Variants in NRK observed in about 807,000 individuals in gnomAD.
NRK encodes nik-related protein kinase.
NRK carries 67 observed loss-of-function variants against 125.2 expected under a neutral mutation model. The observed-to-expected ratio is 0.54, with a 90% CI of 0.44 to 0.66. The LOEUF (loss-of-function observed/expected upper bound fraction) is 0.66, where lower values mean the gene tolerates loss of function less well. Among genes scored for constraint, NRK ranks in the 30% least tolerant of loss-of-function variants. NRK has a pLI of 0.00. For synonymous variants in NRK, 458 were observed against 429.0 expected (o/e 1.07, Z -0.84); for missense variants, 1,224 against 1,192.9 (o/e 1.03, Z -0.38).
intron 2 of NRK, among the ~76,000 whole-genome samples, chrX:105,863,434 G>A (rs1406463470): frequency 9.1e-6 from 1 of 110,391 alleles, no homozygotes; most frequent in Non-Finnish European, 1.9e-5. Context: ...AATCCTTGCC[G>A]ATGTTTAGTT....
Position 105,908,764 on chromosome X carries a change from A to G in NRK, c.1123A>G (p.Thr375Ala), listed in dbSNP as rs1233173350. 1 of 1,204,547 alleles carries G rather than the reference A, an allele frequency of 8.3e-7. No homozygotes were observed. The highest frequency in any genetic ancestry group is 1.1e-6 in the Non-Finnish European group (1 of 890,889). The change falls in exon 13 of 29, where the codon ACC becomes GCC. Residue 375 changes from threonine (T) to alanine (A), a missense_variant. Physicochemically the swap from Thr to Ala is moderately conservative, Grantham distance 58. Coordinates refer to ENST00000243300, the MANE Select transcript of NRK (RefSeq NM_198465.4). Reference protein sequence around the residue: ...SCTHELLRLPTSSRCRPLRVL... With the variant: ...SCTHELLRLPASSRCRPLRVL... The stretch of plus-strand genomic sequence containing the variant: ...CACTCACGAGCTTCTGAGATTGCCA[A>G]CCAGCAGCAGATGCAGACCACTTAG...
intron 9 of NRK, among the ~76,000 whole-genome samples, chrX:105,901,219 C>T (rs915119535): frequency 1.7e-4 from 19 of 110,151 alleles, no homozygotes; most frequent in African/African-American, 5.6e-4. Context: ...GCTACCTCAG[C>T]GCCCATTTCA....
At chrX:105,860,192 G>C (rs1314848617) in intron 2 of NRK, among the ~76,000 whole-genome samples, 1 of 111,399 alleles carries the variant, frequency 9.0e-6, no homozygotes, top group African/African-American at 3.3e-5. Context: ...GTTAGCTAAT[G>C]ATAAACAGCT....
At chrX:105,859,641 G>A (rs987751687) in intron 2 of NRK, among the ~76,000 whole-genome samples, 2 of 112,357 alleles carry the variant, frequency 1.8e-5, no homozygotes, top group African/African-American at 6.5e-5. Flanking sequence ...TCAACAGAGT[G>A]TGTGGAAGCC....
intron 2 of NRK, among the ~76,000 whole-genome samples, chrX:105,845,214 TA>T (rs1383680137): frequency 8.9e-6 from 1 of 112,089 alleles, no homozygotes; most frequent in African/African-American, 3.2e-5. Context: ...TTTTTCGTTC[TA>T]AAAAAAGCTA....
intron 2 of NRK, among the ~76,000 whole-genome samples, chrX:105,846,344 T>C (rs1053995687): frequency 1.8e-5 from 2 of 111,631 alleles, no homozygotes; most frequent in Admixed American, 9.6e-5. Context: ...TAAGGAAGGA[T>C]ATGTAGGACA....
chrX:105,822,278 G>A (rs2039029747), upstream of NRK, among the ~76,000 whole-genome samples: 1 of 109,921 alleles, frequency 9.1e-6, no homozygotes, highest in South Asian at 4.0e-4. Flanking sequence ...CGCCAGCGGG[G>A]GCGGGGGCAG....
At chrX:105,855,673 T>C (rs751327347) in intron 2 of NRK, among the ~76,000 whole-genome samples, 6 of 111,917 alleles carry the variant, frequency 5.4e-5, no homozygotes, top group Non-Finnish European at 9.4e-5. Context: ...ACAGTAATAT[T>C]TTAAATTTTG....
intron 27 of NRK, among the ~76,000 whole-genome samples, chrX:105,952,192 CCTAGA>C (rs1309038169): frequency 1.8e-5 from 2 of 111,746 alleles, no homozygotes; most frequent in Non-Finnish European, 3.8e-5. Context: ...TTTGTTGTTT[CCTAGA>C]CTATTTTAAT....
chrX:105,950,572 GTGTGT>G (rs2040880673), intron 27 of NRK, among the ~76,000 whole-genome samples: 2 of 99,665 alleles, frequency 2.0e-5, no homozygotes, highest in Non-Finnish European at 4.0e-5. Flanking sequence ...GTGTGTGTGT[GTGTGT>G]GGAGAGAGAG....
Position 105,917,578 on chromosome X carries a change from C to T in NRK, c.2418C>T (p.Ser806=), listed in dbSNP as rs774915551. The part of the protein sequence containing the change: ...DHAHHVKFSS[S]VPQRSLLEQA... ...ACATGCTTTTCTGTCTTTTCATTAGCGTTCCTCAGCGGTCTCTTTTGGAAC... is the reference window on the plus strand; with the variant it reads ...ACATGCTTTTCTGTCTTTTCATTAGTGTTCCTCAGCGGTCTCTTTTGGAAC... The change falls in exon 16 of 29, where the codon AGC becomes AGT. Residue 806 remains serine, a splice_region_variant and synonymous_variant. Transcript: ENST00000243300. 6.2e-6 allele frequency: 7 copies of T among 1,127,699 alleles called. No individual in the cohort carries two copies. In the Admixed American group the frequency reaches 8.1e-5, roughly 13 times the overall value. 92.9% of individuals were successfully genotyped at this position (1,127,699 alleles called of 1,213,427 possible).
intron 2 of NRK, among the ~76,000 whole-genome samples, chrX:105,869,520 C>T (rs1344702916): frequency 9.0e-6 from 1 of 111,184 alleles, no homozygotes; most frequent in African/African-American, 3.3e-5. Context: ...TAGTAGCCAT[C>T]CCAGTCAACT....
chrX:105,908,393 T>G (rs1251186427), intron 12 of NRK, 90 bp downstream of exon 12: 22 of 483,399 alleles, frequency 4.6e-5, no homozygotes, highest in Non-Finnish European at 3.3e-6. Flanking sequence ...TCAGAAAGAC[T>G]TAATTCTTTC....
chrX:105,822,102 A>C (rs1450329784), upstream of NRK, among the ~76,000 whole-genome samples: 1 of 112,656 alleles, frequency 8.9e-6, no homozygotes, highest in Non-Finnish European at 1.9e-5. Flanking sequence ...GAGGGACAGA[A>C]AGAGAAAACA....
intron 2 of NRK, among the ~76,000 whole-genome samples, chrX:105,854,526 A>G (rs1337095057): frequency 8.9e-6 from 1 of 111,903 alleles, no homozygotes; most frequent in Non-Finnish European, 1.9e-5. Context: ...ATTAAACATA[A>G]TTATTTGAGT....
At chrX:105,834,327 T>C (rs932928784) in intron 2 of NRK, among the ~76,000 whole-genome samples, 4 of 111,797 alleles carry the variant, frequency 3.6e-5, no homozygotes, top group African/African-American at 1.3e-4. Context: ...ACTTGCATAG[T>C]TTCTGAAGTC....
intron 1 of NRK, among the ~76,000 whole-genome samples, chrX:105,823,265 C>T (rs2213342): frequency 0.016 from 1,753 of 112,186 alleles, 36 homozygotes; most frequent in African/African-American, 0.053. Flanking sequence ...AAAAGTGCAA[C>T]GTCGGGTGGC....
At chrX:105,862,212 G>A (rs2039612517) in intron 2 of NRK, among the ~76,000 whole-genome samples, 1 of 112,128 alleles carries the variant, frequency 8.9e-6, no homozygotes, top group African/African-American at 3.2e-5. Flanking sequence ...GGAAGCAACA[G>A]TGAATGGTTT....
Position 105,888,376 on chromosome X carries a change from C to G in NRK, c.335C>G (p.Ala112Gly). 8.3e-7 allele frequency: 1 copy of G among 1,200,964 alleles called. No homozygotes were observed. Among genetic ancestry groups the G allele is most frequent in the Admixed American group, 2.2e-5 (1 of 45,368 alleles). ...FHKNIVSFYG[A>G]FFKLSPPGQR... Reference sequence around the variant, plus strand: ...AAAAACATTGTGTCCTTCTATGGAGCATTTTTCAAGCTGAGTCCCCCTGGT... The same window carrying G: ...AAAAACATTGTGTCCTTCTATGGAGGATTTTTCAAGCTGAGTCCCCCTGGT... The change falls in exon 5 of 29, where the codon GCA becomes GGA. Residue 112 changes from alanine to glycine, a missense_variant. Ala to Gly is a moderately conservative substitution (Grantham distance 60). Coordinates refer to ENST00000243300, the MANE Select transcript of NRK (RefSeq NM_198465.4).
Sources: allele counts gnomAD v4.1 joint callset (sites outside exome capture counted in the v4.1 genomes callset), GRCh38; gene constraint gnomAD v4.1.1; transcripts MANE v1.5; gene names NCBI Gene and HGNC (gene_info 2026-07-23, HGNC 2026-07-21).